Variants in PDE1A observed in about 807,000 individuals in gnomAD.
The protein encoded by PDE1A is dual specificity calcium/calmodulin-dependent 3',5'-cyclic nucleotide phosphodiesterase 1A.
Under a neutral mutation model 61.7 loss-of-function variants are expected in PDE1A, and 35 were observed. The ratio of observed to expected loss-of-function variants is 0.57; its 90% CI spans 0.43 to 0.75. PDE1A has a LOEUF of 0.75. Ranked by LOEUF, PDE1A falls within the 30% of genes least tolerant of loss-of-function variation. The pLI is 0.00. For missense variants in PDE1A, 597 were observed against 630.6 expected (o/e 0.95, Z 0.57); for synonymous variants, 232 against 213.2 (o/e 1.09, Z -0.77).
intron 1 of PDE1A, among the ~76,000 whole-genome samples, chr2:182,300,679 G>C (rs1269872114): frequency 6.6e-6 from 1 of 152,178 alleles, no homozygotes; most frequent in Non-Finnish European, 1.5e-5. Flanking sequence ...AATTATAGAA[G>C]TAGGCACAAA....
the PDE1A span, among the ~76,000 whole-genome samples, chr2:182,645,665 AAC>A: frequency 6.6e-6 from 1 of 152,246 alleles, no homozygotes; most frequent in Non-Finnish European, 1.5e-5. Context: ...GTAAACGAAA[AAC>A]AAAAATTTTT....
At chr2:182,649,390 C>T in the PDE1A span, among the ~76,000 whole-genome samples, 1 of 152,000 alleles carries the variant, frequency 6.6e-6, no homozygotes, top group East Asian at 1.9e-4. Context: ...AAGTCCCAGC[C>T]GTAGAACATA....
At chr2:182,534,813 CTT>C in the PDE1A span, among the ~76,000 whole-genome samples, 31 of 151,796 alleles carry the variant, frequency 2.0e-4, 1 homozygote, top group Admixed American at 1.6e-3. Context: ...GAATTCGTCT[CTT>C]TGTTTCTGCT....
At chr2:182,356,621 C>T (rs1331059491) in intron 1 of PDE1A, among the ~76,000 whole-genome samples, 1 of 151,904 alleles carries the variant, frequency 6.6e-6, no homozygotes, top group African/African-American at 2.4e-5. Context: ...GTGGTCCCAG[C>T]TATGTGGGAG....
the PDE1A span, among the ~76,000 whole-genome samples, chr2:182,654,314 A>G: frequency 6.6e-6 from 1 of 152,180 alleles, no homozygotes; most frequent in East Asian, 1.9e-4. Context: ...AAACAGGTTA[A>G]TTGAAAAATA....
In PDE1A at chr2:182,246,408, T is replaced by C. The variant is rs866232039; in HGVS notation, c.168-6116A>G. 7.9e-3 allele frequency among the ~76,000 whole-genome samples: 1,128 copies of C among 141,952 alleles called. 27 individuals are homozygous for C. The highest frequency in any genetic ancestry group is 0.01 in the Non-Finnish European group (657 of 64,738). The allele number at this position is 141,952 out of a possible 152,430, so 93.1% of individuals were successfully genotyped here. On this transcript the variant is annotated intron_variant, in intron 2 of 13. Transcript: ENST00000351439. ...TAGTCTTTTTTCTTTTTTCTTTCTTTTTTTTTTTTTTTTTTGACAGAGTCT... is the reference window on the plus strand; with the variant it reads ...TAGTCTTTTTTCTTTTTTCTTTCTTCTTTTTTTTTTTTTTTGACAGAGTCT...
intron 2 of PDE1A, among the ~76,000 whole-genome samples, chr2:182,517,782 C>T (rs1438757214): frequency 1.3e-5 from 2 of 152,122 alleles, no homozygotes; most frequent in Admixed American, 6.5e-5. Flanking sequence ...ATGCCCTGAG[C>T]TCTGCAGGAC....
At position 182,395,838 on chromosome 2, in the gene PDE1A, C is replaced by A. The variant is rs542676772; in HGVS notation, c.53+30740G>T. On this transcript the variant is annotated intron_variant, in intron 1 of 13. Transcript: ENST00000351439. ...CTGCCATCTTCTCCAGATAACTACT[C>A]TCCTTTTGAGAGACAGCTCTTGGCC... 2.0e-4 allele frequency among the ~76,000 whole-genome samples: 31 copies of A among 152,342 alleles called. No homozygotes were observed. The South Asian group carries it at 3.3e-3, about 16-fold the overall frequency.
chr2:182,501,752 T>G (rs1403424207), intron 2 of PDE1A, among the ~76,000 whole-genome samples: 2 of 152,162 alleles, frequency 1.3e-5, no homozygotes, highest in Non-Finnish European at 2.9e-5. Context: ...TTTCTCCCTG[T>G]CCATACTTCC....
chr2:182,578,815 TTAGGCCTGAAGGAAGG>T, the PDE1A span, among the ~76,000 whole-genome samples: 268 of 152,306 alleles, frequency 1.8e-3, no homozygotes, highest in Non-Finnish European at 2.8e-3. Flanking sequence ...ATGGGTTACT[TTAGGCCTGAAGGAAGG>T]TTGAAGGGAG....
chr2:182,495,390 C>A (rs1688651769), intron 2 of PDE1A, among the ~76,000 whole-genome samples: 1 of 152,128 alleles, frequency 6.6e-6, no homozygotes, highest in Admixed American at 6.5e-5. Context: ...GGTGGTCCAG[C>A]ATGTAGAATC....
At chr2:182,713,522 T>C in the PDE1A span, among the ~76,000 whole-genome samples, 1 of 152,160 alleles carries the variant, frequency 6.6e-6, no homozygotes, top group African/African-American at 2.4e-5. Flanking sequence ...TCCCCACTAC[T>C]TGGGAGGCTG....
In PDE1A at chr2:182,448,463, T is replaced by A. The variant is rs1685284362; in HGVS notation, c.101+73813A>T. Among the ~76,000 whole-genome samples, 3 of 152,202 alleles carry A rather than the reference T, an allele frequency of 2.0e-5. No homozygotes were observed. In the South Asian group the frequency reaches 6.2e-4, roughly 32 times the overall value. ...CACATATCCCGAAACTCCAAAATTG[T>A]AAAGTATATGCGATGTTTTAGAACC... On this transcript the variant is annotated intron_variant, in intron 2 of 14. Transcript: ENST00000410103.
intron 2 of PDE1A, among the ~76,000 whole-genome samples, chr2:182,450,708 C>T (rs1031865552): frequency 6.6e-6 from 1 of 151,672 alleles, no homozygotes; most frequent in African/African-American, 2.4e-5. Context: ...ATTATAATTT[C>T]TTCATCAGAG....
intron 1 of PDE1A, among the ~76,000 whole-genome samples, chr2:182,388,690 A>G (rs1456096527): frequency 6.6e-6 from 1 of 152,130 alleles, no homozygotes; most frequent in African/African-American, 2.4e-5. Flanking sequence ...GTGTACAGCA[A>G]TAAATACCCA....
intron 2 of PDE1A, among the ~76,000 whole-genome samples, chr2:182,463,876 C>G: frequency 6.6e-6 from 1 of 152,112 alleles, no homozygotes; most frequent in East Asian, 1.9e-4. Flanking sequence ...CAGATTCACC[C>G]AGGGCTGCCA....
chr2:182,201,445 G>A (rs149666537), exon 10 of PDE1A: 1 of 1,613,604 alleles, frequency 6.2e-7, no homozygotes, highest in Admixed American at 1.7e-5. Flanking sequence ...GCACCTGCAG[G>A]AAAAACTCCT....
chr2:182,428,882 C>T (rs1037091042), upstream of PDE1A, among the ~76,000 whole-genome samples: 1 of 152,092 alleles, frequency 6.6e-6, no homozygotes, highest in Admixed American at 6.6e-5. Context: ...ACAATTTCTA[C>T]ATGAACACAA....
At chr2:182,375,727 T>C (rs1430390466) in intron 1 of PDE1A, among the ~76,000 whole-genome samples, 1 of 152,222 alleles carries the variant, frequency 6.6e-6, no homozygotes, top group African/African-American at 2.4e-5. Flanking sequence ...CACATTTCCC[T>C]TCCACACTGC....
Sources: gnomAD v4.1 joint callset for allele counts (sites outside exome capture counted in the v4.1 genomes callset) on GRCh38, gnomAD v4.1.1 for gene constraint, MANE v1.5 for transcripts, NCBI Gene and HGNC (gene_info 2026-07-23, HGNC 2026-07-21) for gene names.